The following RALGAPB variants were observed in gnomAD, a reference collection of about 807,000 sequenced individuals.
RALGAPB encodes the protein ral GTPase-activating protein subunit beta.
RALGAPB carries 25 observed loss-of-function variants against 161.1 expected under a neutral mutation model. The observed-to-expected ratio is 0.16, with a 90% CI of 0.11 to 0.22. The LOEUF (loss-of-function observed/expected upper bound fraction) is 0.22, where lower values mean the gene tolerates loss of function less well. Ranked by LOEUF, RALGAPB falls within the 10% of genes least tolerant of loss-of-function variation. The probability of loss-of-function intolerance (pLI) is 1.00; values close to 1 mark genes in which losing one functional copy is unlikely to be tolerated. For missense variants in RALGAPB, 1,391 were observed against 1,815.2 expected (o/e 0.77, Z 4.25); for synonymous variants, 629 against 626.1 (o/e 1.00, Z -0.07).
At chr20:38,509,877 A>G (rs1347412036) in intron 6 of RALGAPB, among the ~76,000 whole-genome samples, 1 of 152,102 alleles carries the variant, frequency 6.6e-6, no homozygotes, top group African/African-American at 2.4e-5. Flanking sequence ...ATTACTCTTT[A>G]TGACCTTTTT....
At chr20:38,478,024 G>C (rs765130782) in intron 1 of RALGAPB, among the ~76,000 whole-genome samples, 3 of 152,194 alleles carry the variant, frequency 2.0e-5, no homozygotes, top group Non-Finnish European at 4.4e-5. Context: ...TTGGGAGGCT[G>C]AGTGGGAGGA....
intron 5 of RALGAPB, among the ~76,000 whole-genome samples, chr20:38,503,552 T>C (rs2085659033): frequency 6.6e-6 from 1 of 152,174 alleles, no homozygotes; most frequent in Admixed American, 6.5e-5. Context: ...AAACTAATGG[T>C]GAGGAGTCTT....
In RALGAPB at chr20:38,574,134, A is replaced by G. The variant is rs561662096; in HGVS notation, c.4143-16A>G. ...CAACTCTTGGGTGTCTGAGATAACA[A>G]TTTTCTTTTCTTAAGATCTACAACT... On this transcript the variant is annotated splice_polypyrimidine_tract_variant and intron_variant, in intron 28 of 29. Transcript: ENST00000262879. The G allele has an allele frequency of 4.6e-5, 74 of 1,596,146 alleles. No individual in the cohort carries two copies. In the South Asian group the frequency reaches 7.4e-4, roughly 16 times the overall value.
chr20:38,529,122 A>T (rs2086568445), intron 13 of RALGAPB, among the ~76,000 whole-genome samples: 1 of 152,182 alleles, frequency 6.6e-6, no homozygotes, highest in African/African-American at 2.4e-5. Flanking sequence ...ATTCCCTAAA[A>T]ACTTAACTAC....
At chr20:38,538,708 A>G (rs2086881377) in intron 16 of RALGAPB, among the ~76,000 whole-genome samples, 1 of 152,218 alleles carries the variant, frequency 6.6e-6, no homozygotes, top group Non-Finnish European at 1.5e-5. Flanking sequence ...AATTAAAACC[A>G]TGATGAGATA....
rs1384782881 is a variant in RALGAPB, at chr20:38,517,792, T to C, written c.1209T>C (p.Thr403=). The change falls in exon 9 of 30, where the codon ACT becomes ACC. Residue 403 remains threonine, a synonymous_variant. Transcript: ENST00000262879. ...KATMKTSTVS[T]AHASKVQHQT... ...TTGTGTTCGTCTAATAGGTTAGTAC[T>C]GCTCATGCCTCTAAAGTTCAGCACC... 6.2e-7 allele frequency: 1 copy of C among 1,612,618 alleles called. No homozygotes were observed. Among genetic ancestry groups the C allele is most frequent in the Admixed American group, 1.7e-5 (1 of 60,026 alleles).
At chr20:38,553,317 G>A (rs117275156) in intron 21 of RALGAPB, among the ~76,000 whole-genome samples, 10 of 152,298 alleles carry the variant, frequency 6.6e-5, no homozygotes, top group Non-Finnish European at 1.3e-4. Flanking sequence ...AAGTCTCTAA[G>A]AGTACAGTCA....
intron 3 of RALGAPB, among the ~76,000 whole-genome samples, chr20:38,495,343 T>G (rs938828696): frequency 5.3e-5 from 8 of 152,102 alleles, no homozygotes; most frequent in Non-Finnish European, 1.2e-4. Flanking sequence ...TCTTTTAAAG[T>G]TGGTTAAGGT....
intron 25 of RALGAPB, 34 bp from the exon 26 acceptor site, chr20:38,567,062 G>A: frequency 1.2e-6 from 2 of 1,607,024 alleles, no homozygotes; most frequent in Non-Finnish European, 1.7e-6. Context: ...TAAGTGGTAT[G>A]TATTATAGTT....
intron 1 of RALGAPB, among the ~76,000 whole-genome samples, chr20:38,482,158 T>C (rs1303586): frequency 0.76 from 115,695 of 152,008 alleles, 44,561 homozygotes; most frequent in East Asian, 0.91. Flanking sequence ...GAAAAGAAAA[T>C]GTTATTAAGA....
chr20:38,564,357 A>G (rs1223180182), intron 24 of RALGAPB, among the ~76,000 whole-genome samples: 2 of 152,218 alleles, frequency 1.3e-5, no homozygotes, highest in Non-Finnish European at 2.9e-5. Context: ...AAAGCCTAAA[A>G]TGTTATCTGT....
intron 1 of RALGAPB, among the ~76,000 whole-genome samples, chr20:38,482,445 T>TTTTAG (rs3976689): frequency 6.8e-6 from 1 of 147,082 alleles, no homozygotes. Flanking sequence ...TTTTTTTTTT[T>TTTTAG]GAGACAGAGT....
intron 2 of RALGAPB, among the ~76,000 whole-genome samples, chr20:38,492,400 T>G (rs138809952): frequency 1.1e-3 from 167 of 152,312 alleles, no homozygotes; most frequent in Non-Finnish European, 1.8e-3. Flanking sequence ...TCAGATGTGT[T>G]TGTTCTTCAT....
chr20:38,532,526 G>A (rs2086686247), intron 14 of RALGAPB, among the ~76,000 whole-genome samples: 1 of 152,170 alleles, frequency 6.6e-6, no homozygotes, highest in African/African-American at 2.4e-5. Context: ...ACTTGTAGTA[G>A]TACAAATCCT....
At chr20:38,508,867 C>G (rs2085849617) in intron 5 of RALGAPB, among the ~76,000 whole-genome samples, 1 of 152,086 alleles carries the variant, frequency 6.6e-6, no homozygotes, top group South Asian at 2.1e-4. Flanking sequence ...AGTGATTGAT[C>G]AGAGTAATTA....
chr20:38,507,978 G>A (rs1173135954), intron 5 of RALGAPB, among the ~76,000 whole-genome samples: 1 of 151,906 alleles, frequency 6.6e-6, no homozygotes, highest in Non-Finnish European at 1.5e-5. Context: ...AGAATATTAA[G>A]TAATTAAGTT....
chr20:38,510,627 A>AAAGTCTGGAGTCAGGACTGGCTCT (rs372104371), intron 6 of RALGAPB, among the ~76,000 whole-genome samples: 1 of 144,578 alleles, frequency 6.9e-6, no homozygotes, highest in Admixed American at 6.6e-5. Context: ...AATCTTTTAT[A>AAAGTCTGGAGTCAGGACTGGCTCT]GGGCCGGGCG....
chr20:38,495,526 A>T (rs975613650), intron 3 of RALGAPB, among the ~76,000 whole-genome samples: 1 of 152,186 alleles, frequency 6.6e-6, no homozygotes, highest in Non-Finnish European at 1.5e-5. Flanking sequence ...TAAATGAATG[A>T]TCATTACTGT....
rs146845698 is a variant in RALGAPB, at chr20:38,532,325, G to A, written c.2116-405G>A. Among the ~76,000 whole-genome samples, 639 of 152,292 alleles carry A rather than the reference G, an allele frequency of 4.2e-3. 3 individuals carry two copies. The highest frequency in any genetic ancestry group is 0.015 in the African/African-American group (607 of 41,564). On this transcript the variant is annotated intron_variant, in intron 14 of 29. Transcript: ENST00000262879. ...GCCTGCCTCGGCCTCCCAAAGTGCC[G>A]GGATTACAGGTGTGAGCCAGCGCGC...
Sources: allele counts gnomAD v4.1 joint callset (sites outside exome capture counted in the v4.1 genomes callset), GRCh38; gene constraint gnomAD v4.1.1; transcripts MANE v1.5; gene names NCBI Gene and HGNC (gene_info 2026-07-23, HGNC 2026-07-21).